Variants in SRCIN1 observed in about 807,000 individuals in gnomAD.
SRCIN1 encodes the protein P130Cas-associated protein.
A neutral mutation model predicts 116.2 loss-of-function variants in SRCIN1; 50 were observed. The ratio of observed to expected loss-of-function variants is 0.43; its 90% CI spans 0.34 to 0.54. The LOEUF (loss-of-function observed/expected upper bound fraction) is 0.54. Ranked by LOEUF, SRCIN1 falls within the 20% of genes least tolerant of loss-of-function variation. The pLI, the probability that SRCIN1 is intolerant of heterozygous loss-of-function variation, is 0.02. For synonymous variants in SRCIN1, 736 were observed against 750.0 expected, an observed-to-expected ratio of 0.98 and a Z score of 0.30; for missense variants, 1,446 against 1,672.0, an observed-to-expected ratio of 0.86 and a Z score of 2.36.
chr17:38,605,601 A>C, intron 1 of SRCIN1, 83 bp downstream of exon 1: 9 of 1,059,380 alleles, frequency 8.5e-6, no homozygotes, highest in Non-Finnish European at 1.0e-5. Flanking sequence ...CCCCCGGCCG[A>C]GGGGGAAAAC....
chr17:38,572,898 T>G lies in SRCIN1; in HGVS notation c.325-4667A>C, dbSNP rs1307681043. 1.3e-5 allele frequency: 2 copies of G among 150,292 alleles called. No homozygotes were observed. Among genetic ancestry groups the G allele is most frequent in the Non-Finnish European group, 1.5e-5 (1 of 67,284 alleles). 9.3% of individuals were successfully genotyped at this position (150,292 alleles called of 1,614,324 possible). A position where few individuals can be genotyped will look rare whatever the true frequency, so the allele number is the denominator to read the frequency against. ...ACCGCGACTCCACCTGGCGCGGCGC[T>G]GCGCGCCGCCGTGCACATCCCCTCT... On this transcript the variant is annotated intron_variant, in intron 2 of 18. Coordinates refer to ENST00000617146, the MANE Select transcript of SRCIN1 (RefSeq NM_025248.3). This position sits in a 1 kb window ranked among gnomAD's most constrained non-coding sequence, Gnocchi z 4.3.
chr17:38,537,476 G>C (rs1267089894), intron 18 of SRCIN1, among the ~76,000 whole-genome samples: 2 of 151,550 alleles, frequency 1.3e-5, no homozygotes, highest in Admixed American at 6.6e-5. Flanking sequence ...CTGGGTGACA[G>C]AGTAAGACCC....
chr17:38,594,113 C>T (rs531275051), intron 1 of SRCIN1, among the ~76,000 whole-genome samples: 1 of 152,312 alleles, frequency 6.6e-6, no homozygotes, highest in African/African-American at 2.4e-5. Flanking sequence ...GTTCACTGCC[C>T]CTGAGCCCAC....
At chr17:38,566,567 C>T (rs575747541) in intron 3 of SRCIN1, among the ~76,000 whole-genome samples, 2 of 152,334 alleles carry the variant, frequency 1.3e-5, no homozygotes, top group South Asian at 4.1e-4. Context: ...CAGGGAGCAG[C>T]TCATGGATCT....
intron 1 of SRCIN1, among the ~76,000 whole-genome samples, chr17:38,590,193 C>T (rs193291058): frequency 5.3e-5 from 8 of 152,320 alleles, no homozygotes; most frequent in South Asian, 2.1e-4. Context: ...AACCCAGCAT[C>T]GGGCTTTCTG....
At chr17:38,582,220 CCCT>C (rs1339888619) in intron 1 of SRCIN1, among the ~76,000 whole-genome samples, 1 of 152,178 alleles carries the variant, frequency 6.6e-6, no homozygotes. Context: ...CTCTCTTACC[CCCT>C]CCTCATGCCA....
At chr17:38,595,905 G>A (rs375914610) in intron 1 of SRCIN1, among the ~76,000 whole-genome samples, 1 of 152,064 alleles carries the variant, frequency 6.6e-6, no homozygotes. Context: ...CCCAGAGTCA[G>A]GTATCTGCTG....
chr17:38,540,174 TC>T (rs1904638725), intron 18 of SRCIN1, among the ~76,000 whole-genome samples: 1 of 152,146 alleles, frequency 6.6e-6, no homozygotes, highest in African/African-American at 2.4e-5. Context: ...GGAACCTGGC[TC>T]CCGTCCCTCC....
chr17:38,582,842 C>T lies in SRCIN1; in HGVS notation c.23-4051G>A, dbSNP rs888614419. Among the ~76,000 whole-genome samples the T allele has an allele frequency of 5.9e-5, 9 of 152,188 alleles. No individual in the cohort carries two copies. The East Asian group carries it at 1.7e-3, about 29-fold the overall frequency. On this transcript the variant is annotated intron_variant, in intron 1 of 18. Transcript: ENST00000617146. ...CAGATTTAACTTCTTTCTGCAGGGC[C>T]CCAGCTGAGCTGGGAGGATGAACCT... is the stretch of plus-strand genomic sequence containing the variant.
rs184518516 is a variant in SRCIN1, at chr17:38,551,552, T to C, written c.2728-163A>G. The C allele has an allele frequency of 9.1e-4, 616 of 675,492 alleles. 1 individual carries two copies. The African/African-American group carries it at 0.01, about 11-fold the overall frequency. The allele number at this position is 675,492 out of a possible 1,614,324, so 41.8% of individuals were successfully genotyped here. On this transcript the variant is annotated intron_variant, in intron 14 of 18. Coordinates refer to ENST00000617146, the MANE Select transcript of SRCIN1 (RefSeq NM_025248.3). Reference sequence around the variant, plus strand: ...ACTTTGACTTCTCGTGGGTATCACATGGCATCCCCATGGGTAGGAATGCCA... The same window carrying C: ...ACTTTGACTTCTCGTGGGTATCACACGGCATCCCCATGGGTAGGAATGCCA...
chr17:38,543,735 G>C lies in SRCIN1; in HGVS notation c.3417+88C>G, dbSNP rs1344667483. The C allele has an allele frequency of 2.0e-6, 3 of 1,514,446 alleles. No individual in the cohort carries two copies. In the African/African-American group the frequency reaches 4.1e-5, roughly 21 times the overall value. The allele number at this position is 1,514,446 out of a possible 1,614,324, so 93.8% of individuals were successfully genotyped here. A position where few individuals can be genotyped will look rare whatever the true frequency, so the allele number is the denominator to read the frequency against. On this transcript the variant is annotated intron_variant, in intron 18 of 18. Coordinates refer to ENST00000617146, the MANE Select transcript of SRCIN1 (RefSeq NM_025248.3). ...GGAAGAGGTTGGGAAAGCTGGTCAC[G>C]GGAGCAGGGGCAGGAGATGCCCAGT...
At chr17:38,582,984 G>A (rs1206982375) in intron 1 of SRCIN1, among the ~76,000 whole-genome samples, 6 of 152,138 alleles carry the variant, frequency 3.9e-5, no homozygotes, top group African/African-American at 1.4e-4. Context: ...AGCAGGCCAG[G>A]CACTTGAAAT....
chr17:38,560,033 G>A, intron 9 of SRCIN1, 21 bp downstream of exon 9: 2 of 1,527,090 alleles, frequency 1.3e-6, no homozygotes, highest in Non-Finnish European at 1.8e-6. Context: ...ACAAGGATGG[G>A]GGAGGGGGAG....
Position 38,530,294 on chromosome 17 carries a change from GC to G in SRCIN1, c.*3002del. ...GTGGAGCCGGGGCTCACCCCGGGGG[GC>G]CCCCTGGGGACCCCACTCAGAGCCT... On this transcript the variant is annotated 3_prime_UTR_variant, in exon 19 of 19. Coordinates refer to ENST00000617146, the MANE Select transcript of SRCIN1 (RefSeq NM_025248.3). 6.6e-6 allele frequency: 1 copy of G among 152,230 alleles called. No individual in the cohort carries two copies. Among genetic ancestry groups the G allele is most frequent in the South Asian group, 2.1e-4 (1 of 4,804 alleles). 9.4% of individuals were successfully genotyped at this position (152,230 alleles called of 1,614,324 possible).
At chr17:38,606,740 G>A (rs1368632839), upstream of SRCIN1, among the ~76,000 whole-genome samples, 1 of 151,930 alleles carries the variant, frequency 6.6e-6, no homozygotes, top group Non-Finnish European at 1.5e-5. This position sits in a 1 kb window ranked among gnomAD's most constrained non-coding sequence, Gnocchi z 5.2. Flanking sequence ...GCCCCTCCGC[G>A]TCCCACCTTC....
rs780724378 is a variant in SRCIN1 at position 38,533,385 on chromosome 17, C to T, written c.3464G>A (p.Ser1155Asn). 1.2e-6 allele frequency: 2 copies of T among 1,611,922 alleles called. No individual in the cohort carries two copies. The highest frequency in any genetic ancestry group is 1.7e-5 in the Admixed American group (1 of 59,752). Reference protein sequence around the residue: ...KEMSGSNETSSPVSEKPSASR... With the variant: ...KEMSGSNETSNPVSEKPSASR... ...AGCCGAGGGCTTTTCTGAGACTGGG[C>T]TCGAGGTCTCATTCGACCCGCTCAT... The change falls in exon 19 of 19, where the codon AGC becomes AAC. Residue 1155 changes from serine to asparagine, a missense_variant. Ser to Asn is a conservative substitution (Grantham distance 46). This residue lies in a region of SRCIN1 where 531 missense variants were observed against 633.9 expected (regional missense o/e 0.84). Transcript: ENST00000617146.
At position 38,552,844 on chromosome 17, in the gene SRCIN1, T is replaced by C; in HGVS notation, c.2213A>G (p.Lys738Arg). The C allele has an allele frequency of 6.2e-7, 1 of 1,613,936 alleles. No individual in the cohort carries two copies. The highest frequency in any genetic ancestry group is 1.1e-5 in the South Asian group (1 of 91,078). ...GTCTCTCTGGATCTTCTCCACCGAT[T>C]TCTCCAGGTCACTGCAGCCACAGAG... ...LITQQLNDLE[K>R]SVEKIQRDVS... The change falls in exon 12 of 19, where the codon AAA (lysine) becomes AGA (arginine). Residue 738 changes from lysine (K) to arginine (R), a missense_variant. This residue lies in a region of SRCIN1 where 531 missense variants were observed against 633.9 expected (regional missense o/e 0.84). Transcript: ENST00000617146. The surrounding 1 kb of genome is among the most constrained non-coding windows in gnomAD (Gnocchi z 5.3).
In SRCIN1 at chr17:38,558,438, G is replaced by A; in HGVS notation, c.2026-36C>T. 3 of 1,553,618 alleles carry A rather than the reference G, an allele frequency of 1.9e-6. No homozygotes were observed. Among genetic ancestry groups the A allele is most frequent in the Non-Finnish European group, 2.6e-6 (3 of 1,157,448 alleles). Reference sequence around the variant, plus strand: ...CACGGACGGATGGACCCGGGTGGGGGGAGCGGAGCCGCGAGGCAGGGGAAG... The same window carrying A: ...CACGGACGGATGGACCCGGGTGGGGAGAGCGGAGCCGCGAGGCAGGGGAAG... On this transcript the variant is annotated intron_variant, in intron 10 of 18. Transcript: ENST00000617146. This position sits in a 1 kb window ranked among gnomAD's most constrained non-coding sequence, Gnocchi z 4.6.
intron 1 of SRCIN1, among the ~76,000 whole-genome samples, chr17:38,600,068 A>AGG: frequency 6.6e-6 from 1 of 152,304 alleles, no homozygotes; most frequent in South Asian, 2.1e-4. Context: ...AATCTTCACA[A>AGG]TTCCAGGATC....
Sources: allele counts gnomAD v4.1 joint callset (sites outside exome capture counted in the v4.1 genomes callset), GRCh38; gene constraint gnomAD v4.1.1; regional missense constraint gnomAD v4.1.1; non-coding constraint Gnocchi (gnomAD v3.1); transcripts MANE v1.5; gene names NCBI Gene and HGNC (gene_info 2026-07-23, HGNC 2026-07-21).